The following KLHL1 variants were observed in gnomAD, a reference collection of about 807,000 sequenced individuals.
KLHL1 encodes kelch like family member 1.
Under a neutral mutation model 77.7 loss-of-function variants are expected in KLHL1, and 47 were observed. That is an observed-to-expected ratio of 0.60 (90% CI 0.48 to 0.77). KLHL1 has a LOEUF of 0.77. Ranked by LOEUF, KLHL1 falls within the 30% of genes least tolerant of loss-of-function variation. KLHL1 has a pLI of 0.00. For synonymous variants in KLHL1, 360 were observed against 325.2 expected (o/e 1.11, Z -1.15); for missense variants, 925 against 910.8 (o/e 1.02, Z -0.20).
intron 4 of KLHL1, among the ~76,000 whole-genome samples, chr13:69,934,871 T>C (rs978662937): frequency 3.3e-5 from 5 of 151,000 alleles, no homozygotes; most frequent in Non-Finnish European, 7.4e-5. Context: ...TAAACATCAT[T>C]TATTTAAGGA....
chr13:69,944,356 G>C (rs1883452130), intron 3 of KLHL1, among the ~76,000 whole-genome samples: 1 of 152,166 alleles, frequency 6.6e-6, no homozygotes, highest in African/African-American at 2.4e-5. Flanking sequence ...TCCACTGGAA[G>C]GGAACCCTTG....
Position 69,729,238 on chromosome 13 carries a change from G to T in KLHL1, c.1803-9657C>A, listed in dbSNP as rs192381878. Among the ~76,000 whole-genome samples, 258 of 152,104 alleles carry T rather than the reference G, an allele frequency of 1.7e-3. 1 individual carries two copies. The highest frequency in any genetic ancestry group is 2.6e-3 in the Non-Finnish European group (179 of 67,994). On this transcript the variant is annotated intron_variant, in intron 8 of 10. Transcript: ENST00000377844. ...GCTGTGCTGGCATATATACCCCTTA[G>T]CTTAATCTGTCTTACTAGAAGCCTC...
intron 4 of KLHL1, among the ~76,000 whole-genome samples, chr13:69,897,672 ACCTGATAC>A (rs1388281232): frequency 6.6e-6 from 1 of 152,086 alleles, no homozygotes; most frequent in Non-Finnish European, 1.5e-5. Context: ...GGACATGAAC[ACCTGATAC>A]CCTCACCATC....
chr13:70,051,527 A>G (rs750420978), intron 1 of KLHL1, among the ~76,000 whole-genome samples: 19 of 152,090 alleles, frequency 1.2e-4, no homozygotes, highest in Non-Finnish European at 2.8e-4. Context: ...ATTTCCTATT[A>G]AAAGACAAGC....
chr13:69,715,059 T>C (rs1194388376), intron 9 of KLHL1, among the ~76,000 whole-genome samples: 1 of 152,172 alleles, frequency 6.6e-6, no homozygotes, highest in Non-Finnish European at 1.5e-5. Flanking sequence ...ACCTCCTTTC[T>C]CTGTCGCTCC....
At chr13:69,751,780 T>C (rs1347254558) in intron 7 of KLHL1, among the ~76,000 whole-genome samples, 1 of 152,100 alleles carries the variant, frequency 6.6e-6, no homozygotes, top group African/African-American at 2.4e-5. Context: ...ACACTGGCTA[T>C]GGTGTGGAAA....
intron 4 of KLHL1, among the ~76,000 whole-genome samples, chr13:69,901,052 TTA>T (rs1289571388): frequency 6.6e-6 from 1 of 152,224 alleles, no homozygotes; most frequent in East Asian, 1.9e-4. Flanking sequence ...TATCTAATTA[TTA>T]CCATAAACAG....
chr13:69,702,576 G>A lies in KLHL1; in HGVS notation c.2188-815C>T, dbSNP rs1593756536. On this transcript the variant is annotated intron_variant, in intron 10 of 10. Coordinates refer to ENST00000377844, the MANE Select transcript of KLHL1 (RefSeq NM_020866.3). ...AAGAAATAAAATAGCTGCAGACAAA[G>A]TAGCCTCAAATCACATGCATTATCT... Among the ~76,000 whole-genome samples, 3 of 151,714 alleles carry A rather than the reference G, an allele frequency of 2.0e-5. No individual in the cohort carries two copies. In the East Asian group the frequency reaches 5.8e-4, roughly 29 times the overall value.
intron 8 of KLHL1, 85 bp from the exon 9 acceptor site, chr13:69,719,666 C>T: frequency 2.1e-6 from 2 of 967,770 alleles, no homozygotes; most frequent in Non-Finnish European, 3.1e-6. Context: ...TAAATTTTCA[C>T]AGTATGAGGC....
At chr13:69,937,710 T>C (rs997256075) in intron 4 of KLHL1, among the ~76,000 whole-genome samples, 2 of 152,106 alleles carry the variant, frequency 1.3e-5, no homozygotes, top group Non-Finnish European at 2.9e-5. Flanking sequence ...CCAAGCTGAG[T>C]CACCTTCCCA....
At chr13:69,754,772 C>T (rs1874636647) in intron 7 of KLHL1, among the ~76,000 whole-genome samples, 1 of 152,080 alleles carries the variant, frequency 6.6e-6, no homozygotes. Flanking sequence ...CACCATTGTT[C>T]GAGTCTTATT....
At chr13:69,852,207 G>A (rs1452097435) in intron 5 of KLHL1, among the ~76,000 whole-genome samples, 1 of 151,928 alleles carries the variant, frequency 6.6e-6, no homozygotes, top group Non-Finnish European at 1.5e-5. Flanking sequence ...GCTTCCTTGA[G>A]AGGGATACAT....
rs75782819 is a variant in KLHL1, at chr13:69,738,403, C to T, written c.1802+1991G>A. 7.7e-3 allele frequency among the ~76,000 whole-genome samples: 1,170 copies of T among 152,022 alleles called. 15 individuals carry two copies. Among genetic ancestry groups the T allele is most frequent in the African/African-American group, 0.026 (1,087 of 41,456 alleles). On this transcript the variant is annotated intron_variant, in intron 8 of 10. Transcript: ENST00000377844. Reference sequence around the variant, plus strand: ...AGAACTGGGCGGAGGCTGAAATGGACGAATTGAGAGAAGCAGGCTTCAGAA... The same window carrying T: ...AGAACTGGGCGGAGGCTGAAATGGATGAATTGAGAGAAGCAGGCTTCAGAA...
intron 5 of KLHL1, among the ~76,000 whole-genome samples, chr13:69,867,500 T>A (rs1369024908): frequency 6.6e-6 from 1 of 152,002 alleles, no homozygotes; most frequent in Non-Finnish European, 1.5e-5. Context: ...AGAATGTCTT[T>A]TATATAATGC....
chr13:69,743,829 A>G (rs1366376076), intron 7 of KLHL1, among the ~76,000 whole-genome samples: 2 of 138,612 alleles, frequency 1.4e-5, no homozygotes, highest in Non-Finnish European at 3.0e-5. Flanking sequence ...AAACAGAAAA[A>G]AAAAAAAAAC....
Position 69,883,615 on chromosome 13 carries a change from T to A in KLHL1, c.1015-1120A>T, listed in dbSNP as rs113694243. On this transcript the variant is annotated intron_variant, in intron 4 of 10. Transcript: ENST00000377844. ...TTAAGCTGTAAGACCCTGATTTATA[T>A]AACCTTGTATATCTAGATCCTGACA... Among the ~76,000 whole-genome samples the A allele has an allele frequency of 5.2e-4, 79 of 152,312 alleles. 1 individual carries two copies. The highest frequency in any genetic ancestry group is 1.8e-3 in the African/African-American group (74 of 41,564).
At chr13:69,800,557 A>T (rs67258245) in intron 6 of KLHL1, among the ~76,000 whole-genome samples, 1 of 151,944 alleles carries the variant, frequency 6.6e-6, no homozygotes, top group Non-Finnish European at 1.5e-5. Flanking sequence ...TATTGTAAAC[A>T]TTTTGTCTTC....
At chr13:69,904,859 T>C (rs1363097446) in intron 4 of KLHL1, among the ~76,000 whole-genome samples, 2 of 152,174 alleles carry the variant, frequency 1.3e-5, no homozygotes, top group Non-Finnish European at 2.9e-5. Context: ...TTAACTGCCT[T>C]GGAATCTTCA....
chr13:69,918,111 G>A (rs920018493), intron 4 of KLHL1, among the ~76,000 whole-genome samples: 6 of 151,888 alleles, frequency 4.0e-5, no homozygotes, highest in Non-Finnish European at 8.8e-5. Context: ...ATATTTATTT[G>A]TTTATTTTTG....
Sources: allele counts gnomAD v4.1 joint callset (sites outside exome capture counted in the v4.1 genomes callset), GRCh38; gene constraint gnomAD v4.1.1; transcripts MANE v1.5; gene names NCBI Gene and HGNC (gene_info 2026-07-23, HGNC 2026-07-21).